CCAR1: variants seen among roughly 807,000 people sequenced by gnomAD.
CCAR1 encodes cell division cycle and apoptosis regulator 1.
A neutral mutation model predicts 163.8 loss-of-function variants in CCAR1; 78 were observed. The observed-to-expected ratio is 0.48, with a 90% CI of 0.40 to 0.57. The LOEUF is 0.57. Among genes scored for constraint, CCAR1 ranks in the 20% least tolerant of loss-of-function variants. The pLI is 0.00. For missense variants in CCAR1, 1,019 were observed against 1,365.2 expected, an observed-to-expected ratio of 0.75 and a Z score of 4.00; for synonymous variants, 443 against 460.7, an observed-to-expected ratio of 0.96 and a Z score of 0.49.
intron 19 of CCAR1, among the ~76,000 whole-genome samples, chr10:68,785,223 C>CTT (rs762164164): frequency 3.6e-5 from 5 of 137,022 alleles, no homozygotes; most frequent in East Asian, 2.1e-4. Flanking sequence ...GGCCCTATAA[C>CTT]TTTTTTTTTT....
chr10:68,762,881 C>A (rs1408337521), intron 16 of CCAR1, among the ~76,000 whole-genome samples: 1 of 151,856 alleles, frequency 6.6e-6, no homozygotes, highest in Non-Finnish European at 1.5e-5. Context: ...TTAAAGGAGG[C>A]TAGTGAGACA....
intron 2 of CCAR1, among the ~76,000 whole-genome samples, chr10:68,728,776 G>A (rs1387198105): frequency 1.3e-5 from 2 of 152,134 alleles, no homozygotes; most frequent in Non-Finnish European, 2.9e-5. Context: ...CTAACCTGGT[G>A]AAACCCTGCC....
At chr10:68,731,709 G>A (rs1254711394) in intron 2 of CCAR1, among the ~76,000 whole-genome samples, 1 of 146,344 alleles carries the variant, frequency 6.8e-6, no homozygotes, top group Non-Finnish European at 1.5e-5. Flanking sequence ...AAGTGCCTCA[G>A]CCTCAGAAGA....
chr10:68,722,904 A>G (rs574514958), intron 2 of CCAR1, among the ~76,000 whole-genome samples: 2 of 152,090 alleles, frequency 1.3e-5, no homozygotes, highest in Admixed American at 1.3e-4. Context: ...CCTGGGCGAC[A>G]GAGAGATACT....
intron 19 of CCAR1, among the ~76,000 whole-genome samples, chr10:68,781,619 G>A (rs1420738074): frequency 2.0e-5 from 3 of 152,008 alleles, no homozygotes; most frequent in Non-Finnish European, 2.9e-5. Context: ...ACTTTGGGAG[G>A]ATAACGAGGT....
chr10:68,724,813 A>G (rs894688236), intron 2 of CCAR1, among the ~76,000 whole-genome samples: 1 of 152,100 alleles, frequency 6.6e-6, no homozygotes, highest in African/African-American at 2.4e-5. Flanking sequence ...ACCAACTCTA[A>G]AGAATTTAGT....
chr10:68,732,308 GATA>G lies in CCAR1; in HGVS notation c.74-4565_74-4563del, dbSNP rs138302794. ...CATAGCGTCTTGTTCCTATTTACAT[GATA>G]ATTTTTTTTCTATTACCAGAACAGT... is the stretch of plus-strand genomic sequence containing the variant. On this transcript the variant is annotated intron_variant, in intron 2 of 24. Transcript: ENST00000265872. Among the ~76,000 whole-genome samples, 316 of 152,148 alleles carry G rather than the reference GATA, an allele frequency of 2.1e-3. 5 individuals carry two copies. Among genetic ancestry groups the G allele is most frequent in the African/African-American group, 7.2e-3 (298 of 41,518 alleles).
At chr10:68,771,536 A>T in intron 18 of CCAR1, 91 bp downstream of exon 18, 1 of 1,164,410 alleles carries the variant, frequency 8.6e-7, no homozygotes. Context: ...TTAGATGTAA[A>T]AGCCAAACTG....
In CCAR1 at chr10:68,763,497, C is replaced by T. The variant is rs145625520; in HGVS notation, c.2106+2305C>T. 1.0e-4 allele frequency among the ~76,000 whole-genome samples: 15 copies of T among 150,266 alleles called. No homozygotes were observed. In the East Asian group the frequency reaches 2.8e-3, roughly 28 times the overall value. ...GAGTCTCTCTCTGTTGCCCAGGCTG[C>T]AGTGGAGTGGCACGATCTCGGCTCA... On this transcript the variant is annotated intron_variant, in intron 16 of 24. Coordinates refer to ENST00000265872, the MANE Select transcript of CCAR1 (RefSeq NM_018237.4).
intron 2 of CCAR1, among the ~76,000 whole-genome samples, chr10:68,723,093 TC>T (rs928387398): frequency 2.2e-4 from 34 of 151,760 alleles, no homozygotes; most frequent in African/African-American, 7.5e-4. Context: ...GTTTTTTTTT[TC>T]CCCAAACATT....
In CCAR1 at chr10:68,771,187, T is replaced by C. The variant is rs765895597; in HGVS notation, c.2299-19T>C. ...TTCTGTTGAAATTTGGCTAGGTTCA[T>C]GTTGATATCTTTTTATAGGTTTCAT... On this transcript the variant is annotated intron_variant, in intron 17 of 24. Transcript: ENST00000265872. The C allele has an allele frequency of 5.1e-6, 8 of 1,567,578 alleles. No individual in the cohort carries two copies. Among genetic ancestry groups the C allele is most frequent in the Admixed American group, 2.1e-5 (1 of 47,846 alleles).
chr10:68,729,920 CA>C (rs1203847942), intron 2 of CCAR1, among the ~76,000 whole-genome samples: 1 of 27,182 alleles, frequency 3.7e-5, no homozygotes, highest in Non-Finnish European at 5.7e-5. Context: ...AAAGATGACT[CA>C]CTTTTTTTTT....
intron 4 of CCAR1, among the ~76,000 whole-genome samples, 170 bp from the exon 5 acceptor site, chr10:68,740,459 T>C (rs907151962): frequency 1.3e-5 from 2 of 152,168 alleles, no homozygotes; most frequent in Non-Finnish European, 2.9e-5. Context: ...TTGCTTGAGC[T>C]CAGGAGTTCA....
At chr10:68,725,644 ATTGTCTTTTAAT>A (rs1564526153) in intron 2 of CCAR1, among the ~76,000 whole-genome samples, 1 of 152,016 alleles carries the variant, frequency 6.6e-6, no homozygotes, top group African/African-American at 2.4e-5. Flanking sequence ...TGAGATTTTG[ATTGTCTTTTAAT>A]TTGAATATAT....
intron 15 of CCAR1, among the ~76,000 whole-genome samples, chr10:68,758,976 G>C (rs1374382346): frequency 6.6e-6 from 1 of 152,042 alleles, no homozygotes; most frequent in African/African-American, 2.4e-5. Context: ...CTGGCCCGCT[G>C]TCATTCATAA....
In CCAR1 at chr10:68,771,897, T is replaced by C. The variant is rs562321221; in HGVS notation, c.2538+452T>C. 2.8e-3 allele frequency among the ~76,000 whole-genome samples: 420 copies of C among 152,148 alleles called. 3 individuals carry two copies. Among genetic ancestry groups the C allele is most frequent in the African/African-American group, 9.4e-3 (392 of 41,540 alleles). Reference sequence around the variant, plus strand: ...TTTTCCTTTTTCTGAGACGGAGTCTTGCTCTGTTGACCAGGCTTGCTGAAG... The same window carrying C: ...TTTTCCTTTTTCTGAGACGGAGTCTCGCTCTGTTGACCAGGCTTGCTGAAG... On this transcript the variant is annotated intron_variant, in intron 18 of 24. Transcript: ENST00000265872.
At chr10:68,726,074 G>A (rs575968367) in intron 2 of CCAR1, among the ~76,000 whole-genome samples, 3 of 144,254 alleles carry the variant, frequency 2.1e-5, no homozygotes, top group Non-Finnish European at 3.0e-5. Context: ...TGATAGTTCC[G>A]CCATATTCCA....
At chr10:68,733,902 G>A (rs1211757681) in intron 2 of CCAR1, among the ~76,000 whole-genome samples, 1 of 152,140 alleles carries the variant, frequency 6.6e-6, no homozygotes, top group Non-Finnish European at 1.5e-5. Context: ...GACCTCAGGT[G>A]ATCTACCCTG....
At chr10:68,749,891 G>A (rs2056308609) in intron 10 of CCAR1, among the ~76,000 whole-genome samples, 1 of 152,074 alleles carries the variant, frequency 6.6e-6, no homozygotes, top group Non-Finnish European at 1.5e-5. Context: ...GACTGGTATT[G>A]AAAAAGGCAG....
Sources: gnomAD v4.1 joint callset for allele counts (sites outside exome capture counted in the v4.1 genomes callset) on GRCh38, gnomAD v4.1.1 for gene constraint, MANE v1.5 for transcripts, NCBI Gene and HGNC (gene_info 2026-07-23, HGNC 2026-07-21) for gene names.